SCO1: variants seen among roughly 807,000 people sequenced by gnomAD.
SCO1 encodes synthesis of cytochrome C oxidase 1.
SCO1 carries 23 observed loss-of-function variants against 34.0 expected under a neutral mutation model. That is an observed-to-expected ratio of 0.68 (90% CI 0.49 to 0.96). The LOEUF (loss-of-function observed/expected upper bound fraction) is 0.96, where lower values mean the gene tolerates loss of function less well. SCO1 is among the 40% of genes least tolerant of loss of function. SCO1 has a pLI of 0.00. For synonymous variants in SCO1, 161 were observed against 145.5 expected, an observed-to-expected ratio of 1.11 and a Z score of -0.77; for missense variants, 404 against 381.6, an observed-to-expected ratio of 1.06 and a Z score of -0.49.
At chr17:10,693,252 G>A (rs1172430099) in intron 2 of SCO1, among the ~76,000 whole-genome samples, 1 of 152,210 alleles carries the variant, frequency 6.6e-6, no homozygotes, top group African/African-American at 2.4e-5. Context: ...GCTGGGGGCA[G>A]GGAGGGGCTG....
rs191644421 is a variant in SCO1, at chr17:10,696,743, G to A, written c.273+492C>T. On this transcript the variant is annotated intron_variant, in intron 1 of 5. Coordinates refer to ENST00000255390, the MANE Select transcript of SCO1 (RefSeq NM_004589.4). ...CCACTTCTCTTACCACAGGGTAGTG[G>A]CTCTCAAGTTATTTCTGGGTCAGAA... Among the ~76,000 whole-genome samples, 7 of 152,226 alleles carry A rather than the reference G, an allele frequency of 4.6e-5. No homozygotes were observed. In the East Asian group the frequency reaches 9.7e-4, roughly 21 times the overall value.
chr17:10,675,432 T>C lies in SCO1; in HGVS notation c.*5687A>G, dbSNP rs1242548877. ...GACTTGCTTTCTTTCAAGACTGCCTTTTGCAGGGACTCTTTTTCCCCTCTA... is the reference window on the plus strand; with the variant it reads ...GACTTGCTTTCTTTCAAGACTGCCTCTTGCAGGGACTCTTTTTCCCCTCTA... On this transcript the variant is annotated 3_prime_UTR_variant, in exon 6 of 6. Coordinates refer to ENST00000255390, the MANE Select transcript of SCO1 (RefSeq NM_004589.4). The C allele has an allele frequency of 6.6e-6, 1 of 152,260 alleles. No homozygotes were observed. The highest frequency in any genetic ancestry group is 2.4e-5 in the African/African-American group (1 of 41,458). 9.4% of individuals were successfully genotyped at this position (152,260 alleles called of 1,614,324 possible). A position where few individuals can be genotyped will look rare whatever the true frequency, so the allele number is the denominator to read the frequency against.
At chr17:10,694,451 TA>T (rs1436997258) in intron 2 of SCO1, among the ~76,000 whole-genome samples, 3 of 140,816 alleles carry the variant, frequency 2.1e-5, no homozygotes, top group African/African-American at 9.7e-5. Context: ...AACAAACAAA[TA>T]AACAATACCC....
chr17:10,695,103 T>C (rs953949606), intron 2 of SCO1, among the ~76,000 whole-genome samples: 3 of 152,188 alleles, frequency 2.0e-5, no homozygotes, highest in African/African-American at 7.2e-5. Context: ...TCCAGAGCAG[T>C]TCCTGGCATT....
rs147487151 is a variant in SCO1, at chr17:10,697,503, G to A, written c.5C>T (p.Ala2Val). The A allele has an allele frequency of 1.9e-6, 3 of 1,613,196 alleles. No individual in the cohort carries two copies. Among genetic ancestry groups the A allele is most frequent in the East Asian group, 2.2e-5 (1 of 44,888 alleles). The change falls in exon 1 of 6, where the codon GCG (alanine) becomes GTG (valine). Residue 2 changes from alanine to valine, a missense_variant. Coordinates refer to ENST00000255390, the MANE Select transcript of SCO1 (RefSeq NM_004589.4). Reference sequence around the variant, plus strand: ...TCGTCCGGGTACTAGGACCAGCATCGCCATGAGCCTCGGAGACCGGGTCTC... The same window carrying A: ...TCGTCCGGGTACTAGGACCAGCATCACCATGAGCCTCGGAGACCGGGTCTC... Reference protein sequence around the residue: MAMLVLVPGRVM... With the variant: MVMLVLVPGRVM...
At chr17:10,693,716 G>A (rs2662939) in intron 2 of SCO1, among the ~76,000 whole-genome samples, 5,865 of 152,226 alleles carry the variant, frequency 0.039, 377 homozygotes, top group African/African-American at 0.13. Context: ...CCAGGGTTGC[G>A]GCAAAGAAAG....
In SCO1 at chr17:10,681,191, G is replaced by T; in HGVS notation, c.834C>A (p.Gly278=). The T allele has an allele frequency of 6.2e-7, 1 of 1,613,994 alleles. No individual in the cohort carries two copies. Among genetic ancestry groups the T allele is most frequent in the African/African-American group, 1.3e-5 (1 of 74,990 alleles). Residue 278 remains glycine, a synonymous_variant, in exon 6 of 6, where the codon GGC becomes GGA. Coordinates refer to ENST00000255390, the MANE Select transcript of SCO1 (RefSeq NM_004589.4). ...CTATTTCTCCCTTCCTCTTGTTCTG[G>T]CCAAAATAATCTAGAAACTCACCAT... The part of the protein sequence containing the change: ...GPDGEFLDYF[G]QNKRKGEIAA...
Position 10,686,776 on chromosome 17 carries a change from T to C in SCO1, c.722A>G (p.Tyr241Cys), listed in dbSNP as rs1447978731. The C allele has an allele frequency of 2.4e-5, 38 of 1,613,970 alleles. No homozygotes were observed. The highest frequency in any genetic ancestry group is 3.2e-5 in the Non-Finnish European group (38 of 1,179,872). Reference protein sequence around the residue: ...REEVDQVARAYRVYYSPGPKD... With the variant: ...REEVDQVARACRVYYSPGPKD... ...GGGGCCAGGGCTGTAATACACTCTGTATGCTCTGGCCACTTGATCGACCTC... is the reference window on the plus strand; with the variant it reads ...GGGGCCAGGGCTGTAATACACTCTGCATGCTCTGGCCACTTGATCGACCTC... The change falls in exon 5 of 6, where the codon TAC becomes TGC. Residue 241 changes from tyrosine to cysteine, a missense_variant. Tyr to Cys is a radical substitution (Grantham distance 194). Transcript: ENST00000255390.
intron 3 of SCO1, 52 bp downstream of exon 3, chr17:10,692,712 T>C: frequency 6.8e-7 from 1 of 1,470,054 alleles, no homozygotes; most frequent in African/African-American, 1.4e-5. Flanking sequence ...GTGAAAAACC[T>C]GGTAACATGA....
intron 2 of SCO1, among the ~76,000 whole-genome samples, chr17:10,694,356 T>C (rs138640445): frequency 0.011 from 1,719 of 152,326 alleles, 10 homozygotes; most frequent in Middle Eastern, 0.034. Context: ...CAGATCCTTT[T>C]GCTCTGAAAG....
At chr17:10,681,763 T>C (rs999173821) in intron 5 of SCO1, among the ~76,000 whole-genome samples, 1 of 152,262 alleles carries the variant, frequency 6.6e-6, no homozygotes, top group African/African-American at 2.4e-5. Context: ...GAACTGGTTG[T>C]CATTCATTAC....
chr17:10,694,073 T>A (rs1402401877), intron 2 of SCO1, among the ~76,000 whole-genome samples: 1 of 152,194 alleles, frequency 6.6e-6, no homozygotes. Context: ...CTGGACATTA[T>A]CAGTAATGGG....
At position 10,680,164 on chromosome 17, in the gene SCO1, C is replaced by T. The variant is rs903708661; in HGVS notation, c.*955G>A. 4 of 152,342 alleles carry T rather than the reference C, an allele frequency of 2.6e-5. No individual in the cohort carries two copies. In the East Asian group the frequency reaches 7.7e-4, roughly 29 times the overall value. The allele number at this position is 152,342 out of a possible 1,614,324, so 9.4% of individuals were successfully genotyped here. A position where few individuals can be genotyped will look rare whatever the true frequency, so the allele number is the denominator to read the frequency against. On this transcript the variant is annotated 3_prime_UTR_variant, in exon 6 of 6. Coordinates refer to ENST00000255390, the MANE Select transcript of SCO1 (RefSeq NM_004589.4). ...TCACCTGGGGTATCTGTCATGGAAG[C>T]AGGTCTCTGCATCATACTGCAGATT...
rs1035752351 is a variant in SCO1, at chr17:10,689,143, G to A, written c.656-2301C>T. 1.2e-4 allele frequency among the ~76,000 whole-genome samples: 16 copies of A among 133,478 alleles called. No homozygotes were observed. The East Asian group carries it at 2.3e-3, about 20-fold the overall frequency. The allele number at this position is 133,478 out of a possible 152,430, so 87.6% of individuals were successfully genotyped here. On this transcript the variant is annotated intron_variant, in intron 4 of 5. Coordinates refer to ENST00000255390, the MANE Select transcript of SCO1 (RefSeq NM_004589.4). ...AAAAAAAAAAAAAAAAAAGAAAGCAGTTCTGCAGATGGGAGATTGGGGAGG... is the reference window on the plus strand; with the variant it reads ...AAAAAAAAAAAAAAAAAAGAAAGCAATTCTGCAGATGGGAGATTGGGGAGG...
rs1295650237 is a variant in SCO1 at position 10,697,307 on chromosome 17, G to A, written c.201C>T (p.Leu67=). ...RPGYCLGTRP[L]STARPPPPWS... is the part of the protein sequence containing the mutation. ...ACGGGGGTGGCGGCCTCGCAGTGCTGAGGGGCCGGGTTCCCAGGCAATAGC... is the reference window on the plus strand; with the variant it reads ...ACGGGGGTGGCGGCCTCGCAGTGCTAAGGGGCCGGGTTCCCAGGCAATAGC... Residue 67 remains leucine, a synonymous_variant, in exon 1 of 6, where the codon CTC becomes CTT. Coordinates refer to ENST00000255390, the MANE Select transcript of SCO1 (RefSeq NM_004589.4). The A allele has an allele frequency of 6.4e-7, 1 of 1,567,334 alleles. No homozygotes were observed.
chr17:10,688,444 A>G (rs1023188424), intron 4 of SCO1, among the ~76,000 whole-genome samples: 2 of 152,238 alleles, frequency 1.3e-5, no homozygotes, highest in South Asian at 2.1e-4. Context: ...CCACAATGAG[A>G]TATCACTAAG....
rs959024756 is a variant in SCO1 at position 10,680,793 on chromosome 17, G to A, written c.*326C>T. 7.9e-5 allele frequency: 32 copies of A among 404,256 alleles called. No individual in the cohort carries two copies. The highest frequency in any genetic ancestry group is 6.1e-4 in the African/African-American group (30 of 49,352). 25.0% of individuals were successfully genotyped at this position (404,256 alleles called of 1,614,324 possible). On this transcript the variant is annotated 3_prime_UTR_variant, in exon 6 of 6. Transcript: ENST00000255390. Reference sequence around the variant, plus strand: ...GAGAGGCGGCAAAGCTGCTGGGAGGGCCTGTTCGCAGGCAGGAATGCACTG... The same window carrying A: ...GAGAGGCGGCAAAGCTGCTGGGAGGACCTGTTCGCAGGCAGGAATGCACTG...
rs1436524298 is a variant in SCO1, at chr17:10,677,967, T to C, written c.*3152A>G. The C allele has an allele frequency of 2.0e-5, 3 of 151,992 alleles. No individual in the cohort carries two copies. The highest frequency in any genetic ancestry group is 7.3e-5 in the African/African-American group (3 of 41,332). The allele number at this position is 151,992 out of a possible 1,614,324, so 9.4% of individuals were successfully genotyped here. On this transcript the variant is annotated 3_prime_UTR_variant, in exon 6 of 6. Coordinates refer to ENST00000255390, the MANE Select transcript of SCO1 (RefSeq NM_004589.4). The stretch of plus-strand genomic sequence containing the variant: ...CCAGTCTCTACTAAAAATACAAAAT[T>C]AGCCGGGTGTGGTGGCACATGCTTG...
In SCO1 at chr17:10,697,463, C is replaced by G; in HGVS notation, c.45G>C (p.Leu15=). ...GCAAGAAGCGCCAAAGTTGGCCACCCAGAGGCCGCATAACTCGTCCGGGTA... is the reference window on the plus strand; with the variant it reads ...GCAAGAAGCGCCAAAGTTGGCCACCGAGAGGCCGCATAACTCGTCCGGGTA... ...VLVPGRVMRP[L]GGQLWRFLPR... The change falls in exon 1 of 6, where the codon CTG becomes CTC. Residue 15 remains leucine (L), a synonymous_variant. Transcript: ENST00000255390. 6.2e-7 allele frequency: 1 copy of G among 1,613,410 alleles called. No individual in the cohort carries two copies. Among genetic ancestry groups the G allele is most frequent in the Non-Finnish European group, 8.5e-7 (1 of 1,179,912 alleles).
Sources: allele counts gnomAD v4.1 joint callset (sites outside exome capture counted in the v4.1 genomes callset), GRCh38; gene constraint gnomAD v4.1.1; transcripts MANE v1.5; gene names NCBI Gene and HGNC (gene_info 2026-07-23, HGNC 2026-07-21).